SNTG1: variants seen among roughly 807,000 people sequenced by gnomAD.
SNTG1 encodes syntrophin gamma 1, also known as gamma-1-syntrophin.
A neutral mutation model predicts 74.7 loss-of-function variants in SNTG1; 39 were observed. The observed-to-expected ratio is 0.52, with a 90% CI of 0.40 to 0.68. The LOEUF is 0.68. SNTG1 is among the 30% of genes least tolerant of loss of function. SNTG1 has a pLI of 0.00. For synonymous variants in SNTG1, 254 were observed against 217.1 expected (o/e 1.17, Z -1.49); for missense variants, 685 against 609.5 (o/e 1.12, Z -1.30).
At chr8:50,006,541 T>C (rs1452891160) in intron 1 of SNTG1, among the ~76,000 whole-genome samples, 1 of 152,096 alleles carries the variant, frequency 6.6e-6, no homozygotes, top group Non-Finnish European at 1.5e-5. Context: ...CTATTTAAGA[T>C]TTTTTTTAAA....
chr8:50,290,508 C>T (rs1342010504), intron 2 of SNTG1, among the ~76,000 whole-genome samples: 1 of 152,100 alleles, frequency 6.6e-6, no homozygotes, highest in African/African-American at 2.4e-5. Flanking sequence ...TAAGGAAAGT[C>T]CAGTCTTTGG....
At chr8:50,638,761 CATA>C (rs1281287920) in intron 13 of SNTG1, among the ~76,000 whole-genome samples, 1 of 152,024 alleles carries the variant, frequency 6.6e-6, no homozygotes, top group Non-Finnish European at 1.5e-5. Context: ...AAGTTTGCCC[CATA>C]AGTCACTATT....
At position 50,460,067 on chromosome 8, in the gene SNTG1, A is replaced by AT. The variant is rs373429507; in HGVS notation, c.363+9344dup. Reference sequence around the variant, plus strand: ...GAGCCAAATGGTAGTTCTATTTTAAATTTTTTGGGAAACCTATAAACTGCT... The same window carrying AT: ...GAGCCAAATGGTAGTTCTATTTTAAATTTTTTTGGGAAACCTATAAACTGCT... On this transcript the variant is annotated intron_variant, in intron 8 of 18. Transcript: ENST00000642720. 7.9e-4 allele frequency among the ~76,000 whole-genome samples: 120 copies of AT among 152,266 alleles called. 1 individual carries two copies. The highest frequency in any genetic ancestry group is 2.7e-3 in the African/African-American group (111 of 41,578).
intron 13 of SNTG1, among the ~76,000 whole-genome samples, chr8:50,617,201 C>A (rs935343979): frequency 8.5e-5 from 13 of 152,080 alleles, no homozygotes; most frequent in Non-Finnish European, 1.5e-5. Context: ...GTTTACTTGA[C>A]CTGCAAGAAT....
At chr8:50,044,294 G>A (rs944973026) in intron 1 of SNTG1, among the ~76,000 whole-genome samples, 3 of 152,176 alleles carry the variant, frequency 2.0e-5, no homozygotes, top group African/African-American at 4.8e-5. Context: ...TAAGTAAGGG[G>A]ACGACCAACC....
chr8:50,618,379 A>G (rs1410638260), intron 13 of SNTG1, among the ~76,000 whole-genome samples: 1 of 152,222 alleles, frequency 6.6e-6, no homozygotes, highest in Non-Finnish European at 1.5e-5. Flanking sequence ...CTATTTTGGT[A>G]TCTACATACT....
intron 1 of SNTG1, among the ~76,000 whole-genome samples, chr8:50,127,159 G>C (rs753586079): frequency 1.3e-5 from 2 of 152,088 alleles, no homozygotes; most frequent in African/African-American, 2.4e-5. Context: ...GAGTGAAGGG[G>C]GAGGAGAAAT....
At chr8:50,711,793 G>C (rs566985436) in intron 17 of SNTG1, among the ~76,000 whole-genome samples, 21 of 152,234 alleles carry the variant, frequency 1.4e-4, no homozygotes, top group South Asian at 8.3e-4. Context: ...ACATTCTTCA[G>C]TTCCCTTACT....
intron 1 of SNTG1, among the ~76,000 whole-genome samples, chr8:49,973,026 A>G (rs1420574128): frequency 6.6e-6 from 1 of 152,218 alleles, no homozygotes; most frequent in Non-Finnish European, 1.5e-5. Flanking sequence ...ATATACCCAA[A>G]GGATTATAAA....
chr8:50,592,705 T>G (rs1457672498), intron 13 of SNTG1, among the ~76,000 whole-genome samples: 1 of 152,216 alleles, frequency 6.6e-6, no homozygotes, highest in Non-Finnish European at 1.5e-5. Context: ...GTTAATATTA[T>G]TCATTATATA....
At chr8:50,454,829 T>TA (rs1158732952) in intron 8 of SNTG1, among the ~76,000 whole-genome samples, 8,057 of 95,030 alleles carry the variant, frequency 0.085, 548 homozygotes, top group Middle Eastern at 0.15. Flanking sequence ...CAGACAGAGC[T>TA]AAAAAAAAAA....
intron 2 of SNTG1, among the ~76,000 whole-genome samples, chr8:50,217,239 T>C (rs954292848): frequency 6.6e-6 from 1 of 152,108 alleles, no homozygotes; most frequent in Non-Finnish European, 1.5e-5. Flanking sequence ...CATAATTTGT[T>C]TCATATTGAT....
rs559308154 is a variant in SNTG1, at chr8:50,286,778, A to G, written c.-27-107434A>G. On this transcript the variant is annotated intron_variant, in intron 2 of 18. Coordinates refer to ENST00000642720, the MANE Select transcript of SNTG1 (RefSeq NM_018967.5). ...TTTTTGTTAAGTTCATAATTGGTGA[A>G]GAAATACTGCGATGCAGGTTTAACC... The G allele has an allele frequency of 1.1e-4, 16 of 152,330 alleles. 1 individual carries two copies. The highest frequency in any genetic ancestry group is 3.8e-4 in the African/African-American group (16 of 41,578). The allele number at this position is 152,330 out of a possible 1,614,324, so 9.4% of individuals were successfully genotyped here.
intron 2 of SNTG1, among the ~76,000 whole-genome samples, chr8:50,288,341 A>T (rs1442944776): frequency 1.3e-5 from 2 of 152,320 alleles, no homozygotes; most frequent in Middle Eastern, 3.4e-3. Context: ...AACAAAAAAA[A>T]ATTAAATATT....
At chr8:50,211,786 A>G (rs1319866518) in intron 2 of SNTG1, among the ~76,000 whole-genome samples, 3 of 151,910 alleles carry the variant, frequency 2.0e-5, no homozygotes, top group Non-Finnish European at 4.4e-5. Context: ...AGTGAGATCA[A>G]AGAAGGTTTA....
At chr8:50,004,166 A>G (rs1252188060) in intron 1 of SNTG1, among the ~76,000 whole-genome samples, 1 of 152,176 alleles carries the variant, frequency 6.6e-6, no homozygotes, top group Non-Finnish European at 1.5e-5. Flanking sequence ...ATGAAAACGT[A>G]CACAAACCTT....
chr8:50,318,663 C>T lies in SNTG1; in HGVS notation c.-27-75549C>T, dbSNP rs566583267. On this transcript the variant is annotated intron_variant, in intron 2 of 18. Coordinates refer to ENST00000642720, the MANE Select transcript of SNTG1 (RefSeq NM_018967.5). ...AATTTCCTTAAGTAGATTTGAGAAACTGAAGCTTTTCTGTCAATTCCTGAA... is the reference window on the plus strand; with the variant it reads ...AATTTCCTTAAGTAGATTTGAGAAATTGAAGCTTTTCTGTCAATTCCTGAA... Among the ~76,000 whole-genome samples, 436 of 152,284 alleles carry T rather than the reference C, an allele frequency of 2.9e-3. 4 individuals are homozygous for T. The highest frequency in any genetic ancestry group is 0.01 in the African/African-American group (417 of 41,552).
At chr8:50,001,502 A>G (rs991771980) in intron 1 of SNTG1, among the ~76,000 whole-genome samples, 1 of 152,318 alleles carries the variant, frequency 6.6e-6, no homozygotes, top group Middle Eastern at 3.4e-3. Context: ...GCTAGAGTTC[A>G]GTCAAGGAGA....
intron 4 of SNTG1, among the ~76,000 whole-genome samples, chr8:50,406,698 G>A (rs1164474015): frequency 1.3e-5 from 2 of 152,062 alleles, no homozygotes; most frequent in African/African-American, 4.8e-5. Flanking sequence ...TGAGGTAGTT[G>A]TCTACTATTC....
Sources: gnomAD v4.1 joint callset for allele counts (sites outside exome capture counted in the v4.1 genomes callset) on GRCh38, gnomAD v4.1.1 for gene constraint, MANE v1.5 for transcripts, NCBI Gene and HGNC (gene_info 2026-07-23, HGNC 2026-07-21) for gene names.